NR1I2: variants seen among roughly 807,000 people sequenced by gnomAD.
NR1I2 encodes nuclear receptor subfamily 1 group I member 2.
In NR1I2, 42 loss-of-function variants were observed where a neutral mutation model predicts 43.3. That is an observed-to-expected ratio of 0.97 (90% CI 0.76 to 1.26). The LOEUF is 1.26. NR1I2 is among the 50% of genes most tolerant of loss of function. The pLI, the probability that NR1I2 is intolerant of heterozygous loss-of-function variation, is 0.00. For missense variants in NR1I2, 559 were observed against 566.7 expected, an observed-to-expected ratio of 0.99 and a Z score of 0.14; for synonymous variants, 229 against 215.0, an observed-to-expected ratio of 1.06 and a Z score of -0.57.
At chr3:119,812,597 T>C in intron 4 of NR1I2, 89 bp from the exon 5 acceptor site, 1 of 1,481,570 alleles carries the variant, frequency 6.7e-7, no homozygotes, top group Middle Eastern at 2.4e-4. Context: ...CAACTGTGGC[T>C]GTGCATGTTT....
At chr3:119,815,478 C>A in intron 7 of NR1I2, 39 bp downstream of exon 7, 1 of 1,491,896 alleles carries the variant, frequency 6.7e-7, no homozygotes, top group Non-Finnish European at 9.3e-7. Context: ...TCCCCCCCAG[C>A]CTTATCTGCC....
intron 8 of NR1I2, among the ~76,000 whole-genome samples, chr3:119,816,282 G>A (rs527758966): frequency 6.6e-6 from 1 of 152,160 alleles, no homozygotes; most frequent in Non-Finnish European, 1.5e-5. Flanking sequence ...TCCTTGTATG[G>A]AGGCAGGAGG....
intron 1 of NR1I2, among the ~76,000 whole-genome samples, chr3:119,801,414 T>C (rs1018997753): frequency 2.0e-5 from 3 of 152,190 alleles, no homozygotes; most frequent in African/African-American, 7.2e-5. Flanking sequence ...AGTACACATC[T>C]AATTGGTCTC....
chr3:119,809,982 G>T, intron 2 of NR1I2, 79 bp from the exon 3 acceptor site: 1 of 1,582,596 alleles, frequency 6.3e-7, no homozygotes, highest in South Asian at 1.1e-5. Flanking sequence ...GCTGGGGAGG[G>T]AGGTGGTATG....
chr3:119,787,126 A>G (rs2054852727), intron 1 of NR1I2, among the ~76,000 whole-genome samples: 2 of 152,068 alleles, frequency 1.3e-5, no homozygotes, highest in Non-Finnish European at 2.9e-5. Flanking sequence ...CGTCTCTACT[A>G]AAAATACAAA....
intron 1 of NR1I2, among the ~76,000 whole-genome samples, chr3:119,804,947 A>C (rs1006871563): frequency 3.9e-5 from 6 of 152,156 alleles, no homozygotes; most frequent in African/African-American, 1.4e-4. Context: ...ATCAAAATCT[A>C]AGATTTACCA....
Position 119,817,680 on chromosome 3 carries a change from T to TC in NR1I2, c.*472dup. ...GTCCTGTCTCCCACTTCCCACTCGT[T>TC]CCCCTCCTCTTCCGAGCTGCTTTGT... is the stretch of plus-strand genomic sequence containing the variant. On this transcript the variant is annotated 3_prime_UTR_variant, in exon 9 of 9. Transcript: ENST00000393716. The TC allele has an allele frequency of 9.0e-7, 1 of 1,113,674 alleles. No homozygotes were observed. The highest frequency in any genetic ancestry group is 1.1e-6 in the Non-Finnish European group (1 of 903,434). 69.0% of individuals were successfully genotyped at this position (1,113,674 alleles called of 1,614,324 possible).
chr3:119,800,402 G>A (rs1403022809), intron 1 of NR1I2, among the ~76,000 whole-genome samples: 1 of 152,082 alleles, frequency 6.6e-6, no homozygotes, highest in African/African-American at 2.4e-5. Context: ...TAGCTTTGTT[G>A]TAAGTTTTGA....
At chr3:119,813,955 C>T (rs1025417391) in intron 5 of NR1I2, among the ~76,000 whole-genome samples, 3 of 152,114 alleles carry the variant, frequency 2.0e-5, no homozygotes, top group Non-Finnish European at 4.4e-5. Context: ...AACTGAAGTT[C>T]CCCAAGGATA....
rs1411232999 is a variant in NR1I2 at position 119,808,077 on chromosome 3, A to G, written c.197+630A>G. Among the ~76,000 whole-genome samples, 3 of 152,222 alleles carry G rather than the reference A, an allele frequency of 2.0e-5. No individual in the cohort carries two copies. In the South Asian group the frequency reaches 6.2e-4, roughly 32 times the overall value. ...GAACATTCGTGTTGCATGAGTTATA[A>G]CAGGGGTGAGACACATCAGCAGTGT... On this transcript the variant is annotated intron_variant, in intron 2 of 8. Transcript: ENST00000393716.
chr3:119,810,118 G>A lies in NR1I2; in HGVS notation c.255G>A (p.Glu85=), dbSNP rs1232349409. Reference sequence around the variant, plus strand: ...GCCCCTTCCGGAAGGGCGCCTGCGAGATCACCCGGAAGACCCGGCGACAGT... The same window carrying A: ...GCCCCTTCCGGAAGGGCGCCTGCGAAATCACCCGGAAGACCCGGCGACAGT... Residue 85 remains glutamate, a synonymous_variant, in exon 3 of 9, where the codon GAG becomes GAA. Coordinates refer to ENST00000393716, the MANE Select transcript of NR1I2 (RefSeq NM_003889.4). 1 of 1,613,628 alleles carries A rather than the reference G, an allele frequency of 6.2e-7. No individual in the cohort carries two copies. The highest frequency in any genetic ancestry group is 8.5e-7 in the Non-Finnish European group (1 of 1,179,908).
chr3:119,789,734 T>C (rs1332370800), intron 1 of NR1I2, among the ~76,000 whole-genome samples: 1 of 152,214 alleles, frequency 6.6e-6, no homozygotes, highest in Non-Finnish European at 1.5e-5. Context: ...AGCTTCCCTG[T>C]CCTGCCTTCT....
At chr3:119,782,716 C>A in intron 1 of NR1I2, 1 of 1,447,910 alleles carries the variant, frequency 6.9e-7, no homozygotes, top group Non-Finnish European at 9.7e-7. Flanking sequence ...TTTTGGCCTG[C>A]TGGGTTAGTG....
chr3:119,783,342 G>A (rs925766671), intron 1 of NR1I2, among the ~76,000 whole-genome samples: 2 of 151,864 alleles, frequency 1.3e-5, no homozygotes, highest in African/African-American at 4.8e-5. Flanking sequence ...GTTATGTATT[G>A]TATATGGCTG....
rs12721604 is a variant in NR1I2 at position 119,815,475 on chromosome 3, C to G, written c.1054+36C>G. The G allele has an allele frequency of 7.2e-6, 11 of 1,528,276 alleles. No homozygotes were observed. In the Admixed American group the frequency reaches 1.5e-4, roughly 21 times the overall value. 94.7% of individuals were successfully genotyped at this position (1,528,276 alleles called of 1,614,324 possible). ...CCCCTAGGCTGCCTGACATCCCCCC[C>G]AGCCTTATCTGCCCTCCCCAGGGAA... On this transcript the variant is annotated intron_variant, in intron 7 of 8. Coordinates refer to ENST00000393716, the MANE Select transcript of NR1I2 (RefSeq NM_003889.4).
At chr3:119,782,801 G>T in intron 1 of NR1I2, 1 of 1,614,060 alleles carries the variant, frequency 6.2e-7, no homozygotes, top group Non-Finnish European at 8.5e-7. Flanking sequence ...GGGTCCCTCA[G>T]AGCACCTGCC....
intron 5 of NR1I2, among the ~76,000 whole-genome samples, chr3:119,813,841 G>A (rs2055279894): frequency 6.6e-6 from 1 of 152,156 alleles, no homozygotes; most frequent in Non-Finnish European, 1.5e-5. Context: ...GAAATCCAGT[G>A]ACTGACAATT....
intron 4 of NR1I2, among the ~76,000 whole-genome samples, chr3:119,812,169 G>C (rs1003052714): frequency 6.6e-6 from 1 of 152,166 alleles, no homozygotes; most frequent in Non-Finnish European, 1.5e-5. Flanking sequence ...CCTGTTGGGG[G>C]TGTGACTTTT....
chr3:119,809,339 C>T (rs893588143), intron 2 of NR1I2, among the ~76,000 whole-genome samples: 3 of 152,004 alleles, frequency 2.0e-5, no homozygotes, highest in African/African-American at 7.3e-5. Flanking sequence ...CTCTGCGCAC[C>T]GCAGAGAGGG....
Sources: allele counts gnomAD v4.1 joint callset (sites outside exome capture counted in the v4.1 genomes callset), GRCh38; gene constraint gnomAD v4.1.1; transcripts MANE v1.5; gene names NCBI Gene and HGNC (gene_info 2026-07-23, HGNC 2026-07-21).